DMXL1: variants seen among roughly 807,000 people sequenced by gnomAD.
DMXL1 encodes Dmx like 1.
In DMXL1, 99 loss-of-function variants were observed where a neutral mutation model predicts 319.2. The ratio of observed to expected loss-of-function variants is 0.31; its 90% CI spans 0.26 to 0.37. The LOEUF is 0.37. Among genes scored for constraint, DMXL1 ranks in the 10% least tolerant of loss-of-function variants. The pLI, the probability that DMXL1 is intolerant of heterozygous loss-of-function variation, is 1.00. For synonymous variants in DMXL1, 1,385 were observed against 1,235.2 expected (o/e 1.12, Z -2.54); for missense variants, 3,745 against 3,595.6 (o/e 1.04, Z -1.06).
Position 119,141,325 on chromosome 5 carries a change from A to G in DMXL1, c.2377-2516A>G, listed in dbSNP as rs138388001. On this transcript the variant is annotated intron_variant, in intron 13 of 43. Transcript: ENST00000539542. The stretch of plus-strand genomic sequence containing the variant: ...GAAGTAAAACTATCACTGTTTGTAC[A>G]TGACATGTTTCTATATCTAGATAAC... Among the ~76,000 whole-genome samples the G allele has an allele frequency of 1.3e-4, 20 of 152,332 alleles. No homozygotes were observed. The East Asian group carries it at 3.9e-3, about 29-fold the overall frequency.
At chr5:119,129,778 T>A (rs1209942059) in intron 10 of DMXL1, among the ~76,000 whole-genome samples, 1 of 152,216 alleles carries the variant, frequency 6.6e-6, no homozygotes, top group Non-Finnish European at 1.5e-5. Flanking sequence ...TTTAATGAAA[T>A]TTCCAGGTGA....
chr5:119,099,120 A>G (rs891499153), intron 2 of DMXL1, among the ~76,000 whole-genome samples: 26 of 151,032 alleles, frequency 1.7e-4, no homozygotes, highest in African/African-American at 5.6e-4. Flanking sequence ...GCCTCTTATG[A>G]CTTCTCGCTG....
chr5:119,101,919 T>C lies in DMXL1; in HGVS notation c.214-16T>C, dbSNP rs769551193. Reference sequence around the variant, plus strand: ...GTTAACATATCCCTAATAAATTCTTTTTTTCTTTTTAAAAGATTGCAGCGT... The same window carrying C: ...GTTAACATATCCCTAATAAATTCTTCTTTTCTTTTTAAAAGATTGCAGCGT... On this transcript the variant is annotated splice_polypyrimidine_tract_variant and intron_variant, in intron 2 of 43. Coordinates refer to ENST00000539542, the MANE Select transcript of DMXL1 (RefSeq NM_001290321.3). The C allele has an allele frequency of 5.1e-6, 8 of 1,558,462 alleles. No individual in the cohort carries two copies. In the South Asian group the frequency reaches 9.5e-5, roughly 19 times the overall value.
At position 119,203,549 on chromosome 5, in the gene DMXL1, A is replaced by T. The variant is rs1781203327; in HGVS notation, c.7863+113A>T. 2.6e-5 allele frequency: 13 copies of T among 508,332 alleles called. No homozygotes were observed. In the East Asian group the frequency reaches 4.7e-4, roughly 18 times the overall value. 31.5% of individuals were successfully genotyped at this position (508,332 alleles called of 1,614,324 possible). ...GATTTTTTGAAAACACGTATCATAAACATAGGCAATTAATGCTTAGAACAG... is the reference window on the plus strand; with the variant it reads ...GATTTTTTGAAAACACGTATCATAATCATAGGCAATTAATGCTTAGAACAG... On this transcript the variant is annotated intron_variant, in intron 33 of 43. Transcript: ENST00000539542.
chr5:119,101,258 A>G (rs902272887), intron 2 of DMXL1, among the ~76,000 whole-genome samples: 1 of 151,934 alleles, frequency 6.6e-6, no homozygotes, highest in African/African-American at 2.4e-5. Context: ...TTTTTTCTCC[A>G]TGTTTGTTGT....
At chr5:119,087,025 G>A (rs1753526451) in intron 1 of DMXL1, among the ~76,000 whole-genome samples, 1 of 151,830 alleles carries the variant, frequency 6.6e-6, no homozygotes, top group Admixed American at 6.6e-5. Flanking sequence ...TTAGTTCTTT[G>A]ATCTAGTTGT....
In DMXL1 at chr5:119,234,723, A is replaced by T. The variant is rs116620711; in HGVS notation, c.8466+1256A>T. Among the ~76,000 whole-genome samples the T allele has an allele frequency of 5.3e-3, 814 of 152,176 alleles. 3 individuals are homozygous for T. The highest frequency in any genetic ancestry group is 0.019 in the African/African-American group (785 of 41,522). ...TTTCAACTTGGGTTGTCAGTTTTAT[A>T]TTGCTCCTAACTAATCTCTATACCT... is the stretch of plus-strand genomic sequence containing the variant. On this transcript the variant is annotated intron_variant, in intron 39 of 43. Coordinates refer to ENST00000539542, the MANE Select transcript of DMXL1 (RefSeq NM_001290321.3).
chr5:119,198,035 C>A, intron 32 of DMXL1, 79 bp downstream of exon 32: 4 of 1,405,158 alleles, frequency 2.8e-6, no homozygotes, highest in Non-Finnish European at 4.0e-6. Flanking sequence ...GTCATCCGGG[C>A]TGGAGTGCAG....
chr5:119,214,434 C>T (rs935746214), intron 34 of DMXL1, among the ~76,000 whole-genome samples: 7 of 152,188 alleles, frequency 4.6e-5, no homozygotes, highest in Non-Finnish European at 7.3e-5. Context: ...TTTTATCTCA[C>T]AGTAGCCTGG....
intron 3 of DMXL1, chr5:119,104,047 T>A (rs1757825585): frequency 1.3e-5 from 2 of 152,234 alleles, no homozygotes; most frequent in Admixed American, 1.3e-4. Context: ...ATGTATAAAA[T>A]CTATGATTCT....
chr5:119,153,422 A>G (rs935859214), intron 19 of DMXL1, among the ~76,000 whole-genome samples: 1 of 152,250 alleles, frequency 6.6e-6, no homozygotes, highest in Non-Finnish European at 1.5e-5. Context: ...GATATGTAAA[A>G]TATTTGTGGT....
intron 1 of DMXL1, among the ~76,000 whole-genome samples, chr5:119,084,709 T>C (rs1246805395): frequency 3.3e-5 from 5 of 151,558 alleles, no homozygotes; most frequent in Admixed American, 2.6e-4. Context: ...CTACTAAAAA[T>C]ACAAAATTAG....
intron 43 of DMXL1, 39 bp downstream of exon 43, chr5:119,244,615 TCTTCAGAAAC>T (rs778589828): frequency 1.3e-6 from 2 of 1,503,256 alleles, no homozygotes; most frequent in African/African-American, 2.8e-5. Flanking sequence ...CAAAATGAAA[TCTTCAGAAAC>T]CTTAGCTCTT....
At chr5:119,159,888 T>C (rs1453384703) in intron 19 of DMXL1, among the ~76,000 whole-genome samples, 2 of 152,266 alleles carry the variant, frequency 1.3e-5, no homozygotes, top group Non-Finnish European at 2.9e-5. Context: ...TCTTCTAAAG[T>C]GCTGGTATTA....
At chr5:119,092,792 G>T (rs1159943705) in intron 1 of DMXL1, among the ~76,000 whole-genome samples, 1 of 152,050 alleles carries the variant, frequency 6.6e-6, no homozygotes, top group Non-Finnish European at 1.5e-5. Context: ...TAAAATATGT[G>T]GTCTTTTGTA....
chr5:119,156,799 C>G (rs1771175498), intron 19 of DMXL1, among the ~76,000 whole-genome samples: 1 of 151,952 alleles, frequency 6.6e-6, no homozygotes, highest in Non-Finnish European at 1.5e-5. Flanking sequence ...TAGCAGTGTA[C>G]CAGGCTCCCC....
chr5:119,205,001 A>G (rs950901224), intron 33 of DMXL1, among the ~76,000 whole-genome samples: 8 of 152,126 alleles, frequency 5.3e-5, no homozygotes, highest in Non-Finnish European at 7.4e-5. Flanking sequence ...GTTATTTACT[A>G]TTTGCCTCAT....
chr5:119,124,502 A>C (rs1373726197), intron 9 of DMXL1, among the ~76,000 whole-genome samples: 1 of 151,634 alleles, frequency 6.6e-6, no homozygotes, highest in Non-Finnish European at 1.5e-5. Context: ...TTAAGTAAAA[A>C]CTAGTTGTTG....
intron 19 of DMXL1, among the ~76,000 whole-genome samples, chr5:119,163,690 G>A (rs551396031): frequency 3.9e-5 from 6 of 152,310 alleles, no homozygotes; most frequent in South Asian, 2.1e-4. Context: ...CTGGGTTCAC[G>A]CCATTCTCCT....
Sources: allele counts gnomAD v4.1 joint callset (sites outside exome capture counted in the v4.1 genomes callset), GRCh38; gene constraint gnomAD v4.1.1; transcripts MANE v1.5; gene names NCBI Gene and HGNC (gene_info 2026-07-23, HGNC 2026-07-21).